Variants in RPS6KA2 observed in about 807,000 individuals in gnomAD.
RPS6KA2 encodes the protein ribosomal protein S6 kinase A2.
A neutral mutation model predicts 91.8 loss-of-function variants in RPS6KA2; 42 were observed. The observed-to-expected ratio is 0.46, with a 90% CI of 0.36 to 0.59. RPS6KA2 has a LOEUF of 0.59. RPS6KA2 is among the 20% of genes least tolerant of loss of function. The pLI is 0.00. For missense variants in RPS6KA2, 798 were observed against 978.5 expected (o/e 0.82, Z 2.46); for synonymous variants, 414 against 393.6 (o/e 1.05, Z -0.61).
chr6:166,444,810 A>G (rs1349757144), intron 14 of RPS6KA2, among the ~76,000 whole-genome samples: 1 of 152,138 alleles, frequency 6.6e-6, no homozygotes. Context: ...TGTGTTGGAG[A>G]CTGCGATAGC....
At chr6:166,829,100 G>A (rs1316360957) in intron 2 of RPS6KA2, among the ~76,000 whole-genome samples, 2 of 152,060 alleles carry the variant, frequency 1.3e-5, no homozygotes, top group Non-Finnish European at 2.9e-5. Flanking sequence ...TCAACATCAC[G>A]AATCATGAGA....
intron 2 of RPS6KA2, among the ~76,000 whole-genome samples, chr6:166,634,454 G>A (rs1787173118): frequency 1.3e-5 from 2 of 152,200 alleles, no homozygotes; most frequent in South Asian, 2.1e-4. Context: ...AATCAAAATC[G>A]AAATCGAAAT....
chr6:166,486,260 ACACACACACATG>A (rs1443308974), intron 10 of RPS6KA2, among the ~76,000 whole-genome samples: 637 of 63,226 alleles, frequency 0.01, 4 homozygotes, highest in African/African-American at 0.045. Context: ...CTGTGAGCAC[ACACACACACATG>A]TGCACGCACA....
chr6:166,703,569 T>A (rs1300439340), intron 2 of RPS6KA2, among the ~76,000 whole-genome samples: 1 of 152,262 alleles, frequency 6.6e-6, no homozygotes, highest in Non-Finnish European at 1.5e-5. Flanking sequence ...GAGGCTGACA[T>A]ACAGGAGAGA....
At position 166,616,123 on chromosome 6, in the gene RPS6KA2, C is replaced by T. The variant is rs552224970; in HGVS notation, c.99+10798G>A. Among the ~76,000 whole-genome samples the T allele has an allele frequency of 1.7e-4, 26 of 152,138 alleles. No individual in the cohort carries two copies. The East Asian group carries it at 1.7e-3, about 10-fold the overall frequency. ...AGAAGGTGCCAGTCAGACCACACCC[C>T]GGCTGACCTGCCATGCCACCTGAGA... On this transcript the variant is annotated intron_variant, in intron 1 of 20. Coordinates refer to ENST00000265678, the MANE Select transcript of RPS6KA2 (RefSeq NM_021135.6).
chr6:166,644,949 A>C (rs536309203), intron 2 of RPS6KA2, among the ~76,000 whole-genome samples: 187 of 152,330 alleles, frequency 1.2e-3, no homozygotes, highest in Non-Finnish European at 2.3e-3. Flanking sequence ...ACTAGGGAAC[A>C]CCAAGGATTG....
At chr6:166,823,143 C>A (rs1010230420) in intron 2 of RPS6KA2, among the ~76,000 whole-genome samples, 1 of 152,136 alleles carries the variant, frequency 6.6e-6, no homozygotes, top group Non-Finnish European at 1.5e-5. Context: ...GACAGGGGAC[C>A]ATGTTCAAGG....
intron 3 of RPS6KA2, among the ~76,000 whole-genome samples, chr6:166,517,601 G>C (rs367920717): frequency 2.0e-5 from 3 of 150,344 alleles, no homozygotes; most frequent in South Asian, 2.1e-4. Context: ...TCAGCCTCCC[G>C]AGTAGCTGGG....
Position 166,600,157 on chromosome 6 carries a change from C to T in RPS6KA2, c.99+26764G>A, listed in dbSNP as rs370871920. 9.2e-4 allele frequency among the ~76,000 whole-genome samples: 140 copies of T among 152,266 alleles called. 1 individual carries two copies. The highest frequency in any genetic ancestry group is 3.3e-3 in the African/African-American group (136 of 41,552). On this transcript the variant is annotated intron_variant, in intron 1 of 20. Coordinates refer to ENST00000265678, the MANE Select transcript of RPS6KA2 (RefSeq NM_021135.6). ...CAAATAGGTGCACCTACTATAGGTG[C>T]ACCACCACGCCTGGCTAATTTATTT...
At position 166,454,682 on chromosome 6, in the gene RPS6KA2, G is replaced by T. The variant is rs545986147; in HGVS notation, c.1076-3449C>A. 4.6e-5 allele frequency among the ~76,000 whole-genome samples: 7 copies of T among 152,220 alleles called. No individual in the cohort carries two copies. In the East Asian group the frequency reaches 1.2e-3, roughly 25 times the overall value. ...CATCTGTATCAGGATGCTTTGTAAT[G>T]ATTGCAGTGTGAGTCCTGCCAGCGA... On this transcript the variant is annotated intron_variant, in intron 12 of 20. Transcript: ENST00000265678.
chr6:166,577,747 T>C (rs2128513631), intron 1 of RPS6KA2, among the ~76,000 whole-genome samples: 1 of 152,290 alleles, frequency 6.6e-6, no homozygotes, highest in East Asian at 1.9e-4. Context: ...AGTTAAGACT[T>C]TGGGGGACTG....
At position 166,852,987 on chromosome 6, in the gene RPS6KA2, G is replaced by A. The variant is rs1210087358; in HGVS notation, c.123+5213C>T. 6.6e-6 allele frequency among the ~76,000 whole-genome samples: 1 copy of A among 152,186 alleles called. No individual in the cohort carries two copies. Among genetic ancestry groups the A allele is most frequent in the African/African-American group, 2.4e-5 (1 of 41,440 alleles). On this transcript the variant is annotated intron_variant, in intron 2 of 21. Transcript: ENST00000503859. The surrounding 1 kb of genome is among the most constrained non-coding windows in gnomAD (Gnocchi z 4.1). ...CTATGAAAAACAGAGTAAAATTTGA[G>A]AGGAAAGGGAAAGTACCCCCGTAGC...
chr6:166,794,250 A>G (rs1441284711), intron 2 of RPS6KA2, among the ~76,000 whole-genome samples: 2 of 148,768 alleles, frequency 1.3e-5, no homozygotes, highest in East Asian at 4.0e-4. Context: ...AAACACATGA[A>G]AAAATGCTCA....
At chr6:166,813,474 A>G (rs904869023) in intron 2 of RPS6KA2, among the ~76,000 whole-genome samples, 2 of 152,212 alleles carry the variant, frequency 1.3e-5, no homozygotes, top group Non-Finnish European at 2.9e-5. Flanking sequence ...TTAGTTTCCA[A>G]GGGCTGCCCT....
intron 1 of RPS6KA2, among the ~76,000 whole-genome samples, chr6:166,547,233 G>A (rs1783856437): frequency 1.3e-5 from 2 of 152,168 alleles, no homozygotes; most frequent in African/African-American, 4.8e-5. Context: ...AGTGTGCACG[G>A]GGCCAACTCA....
chr6:166,526,395 G>A (rs1274675630), intron 3 of RPS6KA2, among the ~76,000 whole-genome samples: 1 of 143,558 alleles, frequency 7.0e-6, no homozygotes, highest in East Asian at 2.1e-4. Flanking sequence ...ACCCAGGCTG[G>A]AGTGCAGTGG....
At chr6:166,790,519 A>G (rs1209080445) in intron 2 of RPS6KA2, among the ~76,000 whole-genome samples, 1 of 152,126 alleles carries the variant, frequency 6.6e-6, no homozygotes. Flanking sequence ...AGAATGCCAC[A>G]AAGATACTCC....
At chr6:166,453,537 T>C (rs2128457351) in intron 12 of RPS6KA2, among the ~76,000 whole-genome samples, 1 of 152,328 alleles carries the variant, frequency 6.6e-6, no homozygotes, top group East Asian at 1.9e-4. Flanking sequence ...CTTACATCAG[T>C]CAGAATGGCT....
chr6:166,722,989 C>T (rs865776253), intron 2 of RPS6KA2, among the ~76,000 whole-genome samples: 3 of 152,164 alleles, frequency 2.0e-5, no homozygotes, highest in African/African-American at 7.2e-5. Context: ...CTATGACAAC[C>T]GTTAAGCGAT....
Sources: allele counts gnomAD v4.1 joint callset (sites outside exome capture counted in the v4.1 genomes callset), GRCh38; gene constraint gnomAD v4.1.1; non-coding constraint Gnocchi (gnomAD v3.1); transcripts MANE v1.5; gene names NCBI Gene and HGNC (gene_info 2026-07-23, HGNC 2026-07-21).